GATAD2A: variants seen among roughly 807,000 people sequenced by gnomAD.
GATAD2A encodes the protein GATA zinc finger domain containing 2A.
A neutral mutation model predicts 68.5 loss-of-function variants in GATAD2A; 12 were observed. That is an observed-to-expected ratio of 0.18 (90% CI 0.11 to 0.28). The LOEUF (loss-of-function observed/expected upper bound fraction) is 0.28, where lower values mean the gene tolerates loss of function less well. Ranked by LOEUF, GATAD2A falls within the 10% of genes least tolerant of loss-of-function variation. GATAD2A has a pLI of 1.00. For missense variants in GATAD2A, 755 were observed against 868.5 expected, an observed-to-expected ratio of 0.87 and a Z score of 1.64; for synonymous variants, 410 against 375.3, an observed-to-expected ratio of 1.09 and a Z score of -1.07.
intron 1 of GATAD2A, among the ~76,000 whole-genome samples, chr19:19,421,075 C>G (rs1290920002): frequency 6.6e-6 from 1 of 152,234 alleles, no homozygotes; most frequent in Non-Finnish European, 1.5e-5. Flanking sequence ...TCCTCCCCAT[C>G]CTGCCTCAGC....
At chr19:19,388,814 A>G (rs2048642003) in intron 1 of GATAD2A, among the ~76,000 whole-genome samples, 1 of 152,110 alleles carries the variant, frequency 6.6e-6, no homozygotes, top group Non-Finnish European at 1.5e-5. Flanking sequence ...AAAGGAAAAG[A>G]AAACTCTCCT....
At chr19:19,417,493 G>A (rs1038061510) in intron 1 of GATAD2A, among the ~76,000 whole-genome samples, 1 of 152,114 alleles carries the variant, frequency 6.6e-6, no homozygotes, top group African/African-American at 2.4e-5. Context: ...TCCTCTGCAC[G>A]CTGCACTAGA....
At chr19:19,487,197 C>G (rs140090920) in intron 2 of GATAD2A, among the ~76,000 whole-genome samples, 1 of 152,334 alleles carries the variant, frequency 6.6e-6, no homozygotes, top group East Asian at 1.9e-4. Context: ...GGTATCACCC[C>G]AGGGCTGGAT....
chr19:19,484,143 G>A (rs1459370823), intron 2 of GATAD2A, among the ~76,000 whole-genome samples: 2 of 152,104 alleles, frequency 1.3e-5, no homozygotes, highest in Non-Finnish European at 2.9e-5. Context: ...GATATTGCCC[G>A]GACTGGCCTG....
At chr19:19,388,286 AC>A (rs1203870315) in intron 1 of GATAD2A, among the ~76,000 whole-genome samples, 2 of 151,682 alleles carry the variant, frequency 1.3e-5, no homozygotes, top group African/African-American at 4.8e-5. Flanking sequence ...CGAACTCCCA[AC>A]CTCAGGTGAT....
chr19:19,467,919 G>A (rs938638373), intron 2 of GATAD2A, among the ~76,000 whole-genome samples: 5 of 152,164 alleles, frequency 3.3e-5, no homozygotes, highest in Non-Finnish European at 5.9e-5. Flanking sequence ...GCTCCCTGTC[G>A]CTCTTTAACT....
At chr19:19,401,372 C>A (rs2049732357), upstream of GATAD2A, among the ~76,000 whole-genome samples, 2 of 151,838 alleles carry the variant, frequency 1.3e-5, no homozygotes. Context: ...TGCCACCATG[C>A]ACAGCTAATT....
At chr19:19,502,278 C>A in intron 10 of GATAD2A, 53 bp from the exon 11 acceptor site, 1 of 1,374,390 alleles carries the variant, frequency 7.3e-7, no homozygotes, top group Non-Finnish European at 1.0e-6. Context: ...GAGTGTCTCG[C>A]CTGCTGCTGT....
In GATAD2A at chr19:19,414,836, C is replaced by T. The variant is rs866253925; in HGVS notation, c.-7+8817C>T. Reference sequence around the variant, plus strand: ...AGGTGTGAGCCACCACACCCTGCCCCCTTTTTTTTTTTTTTTTTTTTTTTG... The same window carrying T: ...AGGTGTGAGCCACCACACCCTGCCCTCTTTTTTTTTTTTTTTTTTTTTTTG... On this transcript the variant is annotated intron_variant, in intron 1 of 11. Coordinates refer to ENST00000683918, the MANE Select transcript of GATAD2A (RefSeq NM_001384528.1). 3.9e-5 allele frequency among the ~76,000 whole-genome samples: 5 copies of T among 127,382 alleles called. No individual in the cohort carries two copies. In the South Asian group the frequency reaches 1.3e-3, roughly 33 times the overall value. The allele number at this position is 127,382 out of a possible 152,430, so 83.6% of individuals were successfully genotyped here.
chr19:19,499,170 T>A (rs1208670555), intron 8 of GATAD2A, among the ~76,000 whole-genome samples: 5 of 151,964 alleles, frequency 3.3e-5, no homozygotes, highest in Admixed American at 3.3e-4. Flanking sequence ...ATGATCACCC[T>A]CTTCAGGCAG....
At chr19:19,483,646 G>A (rs756287116) in intron 2 of GATAD2A, among the ~76,000 whole-genome samples, 12 of 151,714 alleles carry the variant, frequency 7.9e-5, no homozygotes, top group Non-Finnish European at 1.3e-4. Flanking sequence ...ACTGAGTCTC[G>A]GTCTGTCATC....
intron 1 of GATAD2A, among the ~76,000 whole-genome samples, chr19:19,426,432 G>A (rs941149902): frequency 2.6e-5 from 4 of 152,140 alleles, no homozygotes; most frequent in African/African-American, 9.7e-5. Flanking sequence ...GGATCAGGCC[G>A]GCAGACTTGT....
chr19:19,489,710 C>T (rs549243955), intron 2 of GATAD2A, among the ~76,000 whole-genome samples: 24 of 152,360 alleles, frequency 1.6e-4, no homozygotes, highest in Non-Finnish European at 2.9e-4. Context: ...AAGAAGCACA[C>T]GCCCTCAATA....
intron 1 of GATAD2A, among the ~76,000 whole-genome samples, chr19:19,462,924 G>A (rs537829536): frequency 4.0e-4 from 61 of 152,312 alleles, no homozygotes; most frequent in Admixed American, 9.1e-4. Flanking sequence ...TGTGCTGGGA[G>A]GGGCCCTGCC....
intron 1 of GATAD2A, among the ~76,000 whole-genome samples, chr19:19,441,311 A>G (rs1344118540): frequency 6.6e-6 from 1 of 152,216 alleles, no homozygotes; most frequent in East Asian, 1.9e-4. Flanking sequence ...AGGAGAAAAT[A>G]AGTAAGTAAT....
intron 4 of GATAD2A, among the ~76,000 whole-genome samples, chr19:19,493,205 C>T (rs1052527673): frequency 6.6e-6 from 1 of 152,214 alleles, no homozygotes; most frequent in Non-Finnish European, 1.5e-5. Flanking sequence ...TCCCAAAGTG[C>T]TGGGATTACA....
At chr19:19,446,328 C>T (rs1202003990) in intron 1 of GATAD2A, among the ~76,000 whole-genome samples, 1 of 152,152 alleles carries the variant, frequency 6.6e-6, no homozygotes, top group Non-Finnish European at 1.5e-5. Flanking sequence ...ATTCGTCTCT[C>T]TTCTTTGGAG....
Position 19,505,543 on chromosome 19 carries a change from C to G in GATAD2A, c.*69C>G. 1.5e-6 allele frequency: 2 copies of G among 1,362,986 alleles called. No homozygotes were observed. The highest frequency in any genetic ancestry group is 2.8e-5 in the South Asian group (2 of 71,572). The allele number at this position is 1,362,986 out of a possible 1,614,324, so 84.4% of individuals were successfully genotyped here. A position where few individuals can be genotyped will look rare whatever the true frequency, so the allele number is the denominator to read the frequency against. On this transcript the variant is annotated 3_prime_UTR_variant, in exon 12 of 12. Coordinates refer to ENST00000683918, the MANE Select transcript of GATAD2A (RefSeq NM_001384528.1). Reference sequence around the variant, plus strand: ...CTGGCCCCTGGTCTAGAAGGACCCACTGCACCACCCTCCGCTGGCTCGGGA... The same window carrying G: ...CTGGCCCCTGGTCTAGAAGGACCCAGTGCACCACCCTCCGCTGGCTCGGGA...
intron 7 of GATAD2A, among the ~76,000 whole-genome samples, chr19:19,497,931 G>A (rs1298678961): frequency 6.6e-6 from 1 of 152,180 alleles, no homozygotes; most frequent in Non-Finnish European, 1.5e-5. Context: ...TGGCCTAGGA[G>A]CTGCTTCCCC....
Sources: gnomAD v4.1 joint callset for allele counts (sites outside exome capture counted in the v4.1 genomes callset) on GRCh38, gnomAD v4.1.1 for gene constraint, MANE v1.5 for transcripts, NCBI Gene and HGNC (gene_info 2026-07-23, HGNC 2026-07-21) for gene names.